Variants in ATP2A1 observed in about 807,000 individuals in gnomAD.
ATP2A1 encodes the protein sarcoplasmic/endoplasmic reticulum calcium ATPase 1.
In ATP2A1, 83 loss-of-function variants were observed where a neutral mutation model predicts 109.5. That is an observed-to-expected ratio of 0.76 (90% CI 0.63 to 0.91). The LOEUF is 0.91. Ranked by LOEUF, ATP2A1 falls within the 40% of genes least tolerant of loss-of-function variation. The pLI is 0.00. For missense variants in ATP2A1, 1,101 were observed against 1,341.0 expected, an observed-to-expected ratio of 0.82 and a Z score of 2.80; for synonymous variants, 505 against 537.6, an observed-to-expected ratio of 0.94 and a Z score of 0.84.
In ATP2A1 at chr16:28,898,119, T is replaced by C. The variant is rs2152211605; in HGVS notation, c.1539T>C (p.Phe513=). The change falls in exon 13 of 23, where the codon TTT becomes TTC. Residue 513 remains phenylalanine, a synonymous_variant. Transcript: ENST00000395503. This position sits in a 1 kb window ranked among gnomAD's most constrained non-coding sequence, Gnocchi z 4.0. ...GGGCTGCTGTGGGCAACAAGATGTT[T>C]GTCAAGGTCAGAAATCGGAATGTGC... ...SSRAAVGNKM[F]VKGAPEGVID... The C allele has an allele frequency of 6.2e-7, 1 of 1,614,168 alleles. No homozygotes were observed. The highest frequency in any genetic ancestry group is 8.5e-7 in the Non-Finnish European group (1 of 1,180,020).
chr16:28,895,093 T>C (rs1596678810), intron 12 of ATP2A1, 140 bp downstream of exon 12: 1 of 1,282,786 alleles, frequency 7.8e-7, no homozygotes, highest in East Asian at 2.5e-5. Flanking sequence ...CTGCAGCTTC[T>C]CCACAGGCTG....
At position 28,899,652 on chromosome 16, in the gene ATP2A1, C is replaced by T. The variant is rs899211803; in HGVS notation, c.1765-929C>T. Among the ~76,000 whole-genome samples the T allele has an allele frequency of 3.8e-5, 4 of 105,316 alleles. 1 individual carries two copies. Among genetic ancestry groups the T allele is most frequent in the Non-Finnish European group, 8.0e-5 (4 of 50,120 alleles). 69.1% of individuals were successfully genotyped at this position (105,316 alleles called of 152,430 possible). ...AGACTCCATCCCCTGCGCCCGCCCC[C>T]CCCCCCCCGAAAAAGACACAATTTG... On this transcript the variant is annotated intron_variant, in intron 14 of 22. Transcript: ENST00000395503.
Position 28,878,492 on chromosome 16 carries a change from G to C in ATP2A1, c.-180G>C. On this transcript the variant is annotated 5_prime_UTR_variant, in exon 1 of 23. Coordinates refer to ENST00000395503, the MANE Select transcript of ATP2A1 (RefSeq NM_004320.6). ...ACCAGCTGGGGGCCGGGGGGTGGCC[G>C]GCTGCTCAAGTGGGACGGGGGTCAG... 1.5e-6 allele frequency: 1 copy of C among 650,264 alleles called. No individual in the cohort carries two copies. Among genetic ancestry groups the C allele is most frequent in the Non-Finnish European group, 2.7e-6 (1 of 364,164 alleles). 40.3% of individuals were successfully genotyped at this position (650,264 alleles called of 1,614,324 possible).
At chr16:28,885,072 C>T (rs1963581774) in intron 6 of ATP2A1, among the ~76,000 whole-genome samples, 1 of 152,006 alleles carries the variant, frequency 6.6e-6, no homozygotes. Context: ...AACCCCATCT[C>T]TACCAAAAAA....
Position 28,899,643 on chromosome 16 carries a change from G to GCCCCCCC in ATP2A1, c.1765-935_1765-934insCCCCCCC, listed in dbSNP as rs1191526677. On this transcript the variant is annotated intron_variant, in intron 14 of 22. Coordinates refer to ENST00000395503, the MANE Select transcript of ATP2A1 (RefSeq NM_004320.6). ...AACAGAGCGAGACTCCATCCCCTGC[G>GCCCCCCC]CCCGCCCCCCCCCCCCCGAAAAAGA... Among the ~76,000 whole-genome samples, 4 of 7,602 alleles carry GCCCCCCC rather than the reference G, an allele frequency of 5.3e-4. 1 individual carries two copies. The highest frequency in any genetic ancestry group is 6.8e-4 in the African/African-American group (2 of 2,924). The allele number at this position is 7,602 out of a possible 152,430, so 5.0% of individuals were successfully genotyped here.
chr16:28,880,366 G>A lies in ATP2A1; in HGVS notation c.220-549G>A, dbSNP rs185582474. 8.5e-5 allele frequency among the ~76,000 whole-genome samples: 13 copies of A among 152,362 alleles called. No homozygotes were observed. Among genetic ancestry groups the A allele is most frequent in the Admixed American group, 7.8e-4 (12 of 15,312 alleles). On this transcript the variant is annotated intron_variant, in intron 3 of 22. Coordinates refer to ENST00000395503, the MANE Select transcript of ATP2A1 (RefSeq NM_004320.6). The surrounding 1 kb of genome is among the most constrained non-coding windows in gnomAD (Gnocchi z 4.2). Reference sequence around the variant, plus strand: ...GTCGCGTTAAGCACAAGCTGGCAGGGCCTCTCCTCTCCCTTCTCAGATTTG... The same window carrying A: ...GTCGCGTTAAGCACAAGCTGGCAGGACCTCTCCTCTCCCTTCTCAGATTTG...
chr16:28,894,000 G>A (rs1202650622), intron 9 of ATP2A1, among the ~76,000 whole-genome samples, 155 bp from the exon 10 acceptor site: 1 of 152,056 alleles, frequency 6.6e-6, no homozygotes, highest in Non-Finnish European at 1.5e-5. Context: ...AGCTTGGTGG[G>A]AAGTGGGTAG....
In ATP2A1 at chr16:28,883,539, C is replaced by T. The variant is rs557720486; in HGVS notation, c.463+950C>T. On this transcript the variant is annotated intron_variant, in intron 5 of 22. Transcript: ENST00000395503. This position sits in a 1 kb window ranked among gnomAD's most constrained non-coding sequence, Gnocchi z 5.2. ...CCTTAGAAACAGAGGGAAAGGAAAG[C>T]GATTGGACCCTGTCCCCAGTACCAT... 1.6e-4 allele frequency among the ~76,000 whole-genome samples: 24 copies of T among 152,282 alleles called. No individual in the cohort carries two copies. The highest frequency in any genetic ancestry group is 5.3e-4 in the African/African-American group (22 of 41,530).
rs752921951 is a variant in ATP2A1 at position 28,884,579 on chromosome 16, G to A, written c.468G>A (p.Gly156=). The change falls in exon 6 of 23, where the codon GGG becomes GGA. Residue 156 remains glycine, a synonymous_variant. Transcript: ENST00000395503. ...VPGDIVEVAV[G]DKVPADIRIL... ...TCTTCCCTACTCTCTCCACAGTGGG[G>A]GACAAAGTCCCTGCAGACATCCGAA... The A allele has an allele frequency of 6.2e-7, 1 of 1,613,526 alleles. No homozygotes were observed. Among genetic ancestry groups the A allele is most frequent in the South Asian group, 1.1e-5 (1 of 91,072 alleles).
chr16:28,894,124 A>T, intron 9 of ATP2A1, 31 bp from the exon 10 acceptor site: 1 of 1,593,270 alleles, frequency 6.3e-7, no homozygotes, highest in Non-Finnish European at 8.6e-7. Context: ...GAAGAGGTGG[A>T]CATCTGTGTG....
intron 14 of ATP2A1, among the ~76,000 whole-genome samples, chr16:28,899,090 T>C (rs1253573624): frequency 6.6e-6 from 1 of 152,224 alleles, no homozygotes; most frequent in East Asian, 1.9e-4. Context: ...GGTGAGCCAC[T>C]TGAACCAGAA....
chr16:28,900,468 C>A, intron 14 of ATP2A1, 113 bp from the exon 15 acceptor site: 11 of 850,902 alleles, frequency 1.3e-5, no homozygotes, highest in South Asian at 3.7e-5. Context: ...AGGCTTCCCA[C>A]CCCTCCCCAC....
intron 6 of ATP2A1, 92 bp from the exon 7 acceptor site, chr16:28,887,097 G>C: frequency 2.2e-6 from 3 of 1,341,332 alleles, no homozygotes; most frequent in Admixed American, 1.7e-5. Context: ...CTTACCAGGA[G>C]CTGTCCTGCT....
At chr16:28,897,964 A>C in intron 12 of ATP2A1, 36 bp from the exon 13 acceptor site, 5 of 1,613,364 alleles carry the variant, frequency 3.1e-6, no homozygotes, top group Non-Finnish European at 4.2e-6. Flanking sequence ...TGACCATTTT[A>C]AGAGGACTGG....
Position 28,883,929 on chromosome 16 carries a change from G to T in ATP2A1, c.464-646G>T, listed in dbSNP as rs1374750605. On this transcript the variant is annotated intron_variant, in intron 5 of 22. Transcript: ENST00000395503. The surrounding 1 kb of genome is among the most constrained non-coding windows in gnomAD (Gnocchi z 5.2). Reference sequence around the variant, plus strand: ...GTGGTCCTCTCCATGACCACCCTGTGCCCCCCGCTGCCTTGAGTCCTGCCC... The same window carrying T: ...GTGGTCCTCTCCATGACCACCCTGTTCCCCCCGCTGCCTTGAGTCCTGCCC... 6.6e-6 allele frequency among the ~76,000 whole-genome samples: 1 copy of T among 151,952 alleles called. No individual in the cohort carries two copies. The highest frequency in any genetic ancestry group is 1.5e-5 in the Non-Finnish European group (1 of 67,980).
intron 22 of ATP2A1, 71 bp from the exon 23 acceptor site, chr16:28,904,108 TG>T: frequency 7.2e-7 from 1 of 1,390,434 alleles, no homozygotes; most frequent in Non-Finnish European, 1.0e-6. Context: ...AGTGCGTGCC[TG>T]GGAGATGCAC....
rs764289898 is a variant in ATP2A1, at chr16:28,887,223, C to T, written c.579C>T (p.Pro193=). 40 of 1,613,642 alleles carry T rather than the reference C, an allele frequency of 2.5e-5. No individual in the cohort carries two copies. In the East Asian group the frequency reaches 4.7e-4, roughly 19 times the overall value. The change falls in exon 7 of 23, where the codon CCC becomes CCT. Residue 193 remains proline (P), a synonymous_variant. Transcript: ENST00000395503. ...TATCTGTCATCAAACACACGGAGCC[C>T]GTTCCTGACCCCCGAGCTGTCAACC... is the stretch of plus-strand genomic sequence containing the variant. ...ESVSVIKHTE[P]VPDPRAVNQD...
rs1963641853 is a variant in ATP2A1, at chr16:28,887,334, G to A, written c.630+60G>A. ...TCAAGCCAGGTGCCCGGGTTGGAGA[G>A]AAACATGGCGTGTGAGAAGAGATGG... is the stretch of plus-strand genomic sequence containing the variant. On this transcript the variant is annotated intron_variant, in intron 7 of 22. Transcript: ENST00000395503. The A allele has an allele frequency of 1.9e-6, 3 of 1,612,782 alleles. No individual in the cohort carries two copies. In the South Asian group the frequency reaches 3.3e-5, roughly 18 times the overall value.
chr16:28,893,797 G>A (rs866122468), intron 9 of ATP2A1, among the ~76,000 whole-genome samples: 4 of 151,752 alleles, frequency 2.6e-5, no homozygotes, highest in Middle Eastern at 3.4e-3. Context: ...TTACAGGCGC[G>A]CACCACCACA....
Sources: gnomAD v4.1 joint callset for allele counts (sites outside exome capture counted in the v4.1 genomes callset) on GRCh38, gnomAD v4.1.1 for gene constraint, Gnocchi (gnomAD v3.1) non-coding constraint, MANE v1.5 for transcripts, NCBI Gene and HGNC (gene_info 2026-07-23, HGNC 2026-07-21) for gene names.